SCFD2: variants seen among roughly 807,000 people sequenced by gnomAD.
The protein encoded by SCFD2 is sec1 family domain containing 2.
Under a neutral mutation model 58.9 loss-of-function variants are expected in SCFD2, and 54 were observed. The observed-to-expected ratio is 0.92, with a 90% CI of 0.74 to 1.15. The LOEUF (loss-of-function observed/expected upper bound fraction) is 1.15, where lower values mean the gene tolerates loss of function less well. Ranked by LOEUF, SCFD2 falls within the 50% of genes most tolerant of loss-of-function variation. SCFD2 has a pLI of 0.00. For missense variants in SCFD2, 805 were observed against 836.6 expected (o/e 0.96, Z 0.47); for synonymous variants, 321 against 335.9 (o/e 0.96, Z 0.49).
At chr4:53,118,932 G>C (rs1456637528) in intron 5 of SCFD2, among the ~76,000 whole-genome samples, 1 of 152,184 alleles carries the variant, frequency 6.6e-6, no homozygotes, top group Admixed American at 6.5e-5. Context: ...AACTCTGATA[G>C]AATTCACTGT....
chr4:53,028,957 C>T (rs865820729), intron 5 of SCFD2, among the ~76,000 whole-genome samples: 2 of 152,160 alleles, frequency 1.3e-5, no homozygotes, highest in East Asian at 1.9e-4. Context: ...CATTGACAAA[C>T]GCATGTTACA....
chr4:53,359,929 C>T (rs1176848679), intron 1 of SCFD2, among the ~76,000 whole-genome samples: 1 of 152,196 alleles, frequency 6.6e-6, no homozygotes, highest in African/African-American at 2.4e-5. Flanking sequence ...TTCTCATTCA[C>T]TATTACCATG....
chr4:53,257,371 A>C (rs543474716), intron 4 of SCFD2, among the ~76,000 whole-genome samples: 1 of 152,336 alleles, frequency 6.6e-6, no homozygotes, highest in South Asian at 2.1e-4. Flanking sequence ...CAATAAAGGC[A>C]GATCCTAACC....
At chr4:53,239,761 G>A (rs1247092088) in intron 4 of SCFD2, among the ~76,000 whole-genome samples, 1 of 152,118 alleles carries the variant, frequency 6.6e-6, no homozygotes, top group East Asian at 1.9e-4. Flanking sequence ...CAGGCATGAG[G>A]CACCATGCCC....
chr4:53,195,745 T>G (rs541665257), intron 4 of SCFD2, among the ~76,000 whole-genome samples: 1 of 152,132 alleles, frequency 6.6e-6, no homozygotes, highest in Non-Finnish European at 1.5e-5. Flanking sequence ...ATAACAAGCC[T>G]GAAGAAAAAA....
intron 5 of SCFD2, among the ~76,000 whole-genome samples, chr4:52,996,833 C>CA (rs1309472686): frequency 1.3e-5 from 2 of 152,148 alleles, no homozygotes; most frequent in African/African-American, 4.8e-5. Flanking sequence ...GCAGCCAGGA[C>CA]AAAGGATCAA....
intron 5 of SCFD2, among the ~76,000 whole-genome samples, chr4:53,057,954 G>A (rs1723395059): frequency 6.6e-6 from 1 of 152,020 alleles, no homozygotes; most frequent in African/African-American, 2.4e-5. Flanking sequence ...TGCTTAGAGG[G>A]TAGAAAAGTA....
chr4:53,071,371 C>G (rs1723809627), intron 5 of SCFD2, among the ~76,000 whole-genome samples: 1 of 152,074 alleles, frequency 6.6e-6, no homozygotes, highest in Admixed American at 6.6e-5. Context: ...CAGGTATAAA[C>G]ACATACAAGG....
chr4:53,237,643 G>T (rs1729684690), intron 4 of SCFD2, among the ~76,000 whole-genome samples: 1 of 136,426 alleles, frequency 7.3e-6, no homozygotes, highest in African/African-American at 2.8e-5. Flanking sequence ...CGGGCGGGGG[G>T]CTGACCCCCC....
At chr4:53,080,994 T>C (rs1724131214) in intron 5 of SCFD2, among the ~76,000 whole-genome samples, 1 of 152,172 alleles carries the variant, frequency 6.6e-6, no homozygotes, top group Non-Finnish European at 1.5e-5. Flanking sequence ...ATGAAATACA[T>C]TAAGTATATA....
chr4:53,327,587 A>G (rs1733248027), intron 2 of SCFD2, among the ~76,000 whole-genome samples: 1 of 152,154 alleles, frequency 6.6e-6, no homozygotes, highest in African/African-American at 2.4e-5. Flanking sequence ...GGATGCGTTT[A>G]TGTTGGAGAC....
chr4:52,927,515 A>G (rs1719891099), intron 5 of SCFD2, among the ~76,000 whole-genome samples: 1 of 152,244 alleles, frequency 6.6e-6, no homozygotes, highest in Non-Finnish European at 1.5e-5. Flanking sequence ...CACCTAATTC[A>G]AAAGCATTTT....
intron 2 of SCFD2, among the ~76,000 whole-genome samples, chr4:53,314,011 G>A (rs1234105413): frequency 1.3e-5 from 2 of 152,120 alleles, no homozygotes; most frequent in Non-Finnish European, 2.9e-5. Context: ...GTGATGAGAA[G>A]TGTGGGAAAA....
chr4:53,319,018 T>C (rs1732945747), intron 2 of SCFD2, among the ~76,000 whole-genome samples: 1 of 152,182 alleles, frequency 6.6e-6, no homozygotes, highest in Non-Finnish European at 1.5e-5. Context: ...AACCCAGTAA[T>C]CTTAATACTA....
chr4:53,210,629 T>C (rs1393918181), intron 4 of SCFD2, among the ~76,000 whole-genome samples: 2 of 152,148 alleles, frequency 1.3e-5, no homozygotes, highest in East Asian at 3.8e-4. Flanking sequence ...ATTTATGTTA[T>C]CATATATATT....
rs199955768 is a variant in SCFD2, at chr4:52,890,384, T to C, written c.1843-4518A>G. ...GGTACAAATAAATGGGTCCAATTAA[T>C]GCATGTTGGTGTTTGCTATTTTGGT... On this transcript the variant is annotated intron_variant, in intron 7 of 8. Coordinates refer to ENST00000401642, the MANE Select transcript of SCFD2 (RefSeq NM_152540.4). Among the ~76,000 whole-genome samples the C allele has an allele frequency of 9.2e-5, 14 of 152,358 alleles. No homozygotes were observed. The East Asian group carries it at 9.6e-4, about 10-fold the overall frequency.
intron 2 of SCFD2, among the ~76,000 whole-genome samples, chr4:53,324,585 G>A (rs886778227): frequency 6.6e-6 from 1 of 152,140 alleles, no homozygotes; most frequent in African/African-American, 2.4e-5. Context: ...GAGGGAACAA[G>A]GGAAAAACAC....
chr4:52,938,563 G>C (rs540230832), intron 5 of SCFD2, among the ~76,000 whole-genome samples: 117 of 152,122 alleles, frequency 7.7e-4, no homozygotes, highest in Non-Finnish European at 1.5e-3. Context: ...GGGCTAATCT[G>C]TAATATACTA....
At chr4:53,019,633 T>C (rs533656894) in intron 5 of SCFD2, among the ~76,000 whole-genome samples, 1 of 152,298 alleles carries the variant, frequency 6.6e-6, no homozygotes, top group South Asian at 2.1e-4. Context: ...TGTGTGATTG[T>C]ATCAACGTTG....
Sources: gnomAD v4.1 joint callset for allele counts (sites outside exome capture counted in the v4.1 genomes callset) on GRCh38, gnomAD v4.1.1 for gene constraint, MANE v1.5 for transcripts, NCBI Gene and HGNC (gene_info 2026-07-23, HGNC 2026-07-21) for gene names.